Variants in ZDHHC11B observed in about 807,000 individuals in gnomAD.
The protein encoded by ZDHHC11B is probable palmitoyltransferase ZDHHC11B.
Under a neutral mutation model 42.3 loss-of-function variants are expected in ZDHHC11B, and 17 were observed. That is an observed-to-expected ratio of 0.40 (90% confidence interval 0.27 to 0.60). ZDHHC11B has a LOEUF of 0.60. ZDHHC11B is among the 20% of genes least tolerant of loss of function. The pLI is 0.41. For missense variants in ZDHHC11B, 262 were observed against 463.2 expected (o/e 0.57, Z 3.99); for synonymous variants, 123 against 193.5 (o/e 0.64, Z 3.02).
intron 1 of ZDHHC11B, among the ~76,000 whole-genome samples, chr5:772,310 G>A (rs570366549): frequency 1.4e-5 from 2 of 148,012 alleles, no homozygotes; most frequent in East Asian, 2.0e-4. Flanking sequence ...ACAGCAAGCA[G>A]CATGAGATGG....
At chr5:776,038 G>A (rs573860260) in intron 1 of ZDHHC11B, among the ~76,000 whole-genome samples, 1 of 149,596 alleles carries the variant, frequency 6.7e-6, no homozygotes, top group Non-Finnish European at 1.5e-5. Context: ...GGCTCAGCTG[G>A]GTGTACTGCC....
At chr5:737,007 A>G (rs1276743862) in intron 10 of ZDHHC11B, among the ~76,000 whole-genome samples, 6 of 146,848 alleles carry the variant, frequency 4.1e-5, no homozygotes, top group Non-Finnish European at 6.0e-5. Flanking sequence ...AAACAAAAAA[A>G]CCACAAAAGA....
intron 4 of ZDHHC11B, among the ~76,000 whole-genome samples, chr5:758,000 A>G (rs1438792917): frequency 1.3e-5 from 2 of 151,772 alleles, no homozygotes; most frequent in African/African-American, 4.8e-5. Flanking sequence ...AGGGGCTGTA[A>G]AGGGTGTGGG....
At chr5:777,236 C>G (rs1485037920) in intron 1 of ZDHHC11B, among the ~76,000 whole-genome samples, 1 of 151,890 alleles carries the variant, frequency 6.6e-6, no homozygotes, top group Non-Finnish European at 1.5e-5. Context: ...GTGAGTGTTA[C>G]AGCTCTTCAA....
At chr5:747,879 T>C (rs1337695464) in intron 8 of ZDHHC11B, 3 of 227,670 alleles carry the variant, frequency 1.3e-5, no homozygotes, top group Non-Finnish European at 2.5e-5. Context: ...GGCTGGGGAG[T>C]TTACCCTCCG....
rs190278742 is a variant in ZDHHC11B, at chr5:730,665, T to C, written c.1024-197A>G. Among the ~76,000 whole-genome samples the C allele has an allele frequency of 3.9e-3, 588 of 151,774 alleles. 12 individuals carry two copies. Among genetic ancestry groups the C allele is most frequent in the Non-Finnish European group, 6.6e-3 (450 of 67,928 alleles). On this transcript the variant is annotated intron_variant, in intron 11 of 13. Transcript: ENST00000508859. ...AATCCTTGTATTATGGGCTGAACTA[T>C]ATCCTCCTCCAAATTCATAGGTTGA... is the stretch of plus-strand genomic sequence containing the variant.
intron 10 of ZDHHC11B, 50 bp from the exon 11 acceptor site, chr5:733,889 G>GA: frequency 6.8e-7 from 1 of 1,464,564 alleles, no homozygotes; most frequent in Non-Finnish European, 9.4e-7. Flanking sequence ...TTGTGGGGGG[G>GA]CTCAGGGTGG....
At chr5:751,830 T>C (rs4045365) in intron 6 of ZDHHC11B, among the ~76,000 whole-genome samples, 85,724 of 115,792 alleles carry the variant, frequency 0.74, 37,273 homozygotes, top group African/African-American at 0.95. Context: ...ATTCAGGCAG[T>C]GCTTCTTGCA....
At chr5:776,490 A>G (rs949229644) in intron 1 of ZDHHC11B, among the ~76,000 whole-genome samples, 4 of 151,922 alleles carry the variant, frequency 2.6e-5, no homozygotes, top group Admixed American at 2.0e-4. Flanking sequence ...GGCTGAGGGG[A>G]AAGTCTCCAC....
chr5:746,267 T>C (rs1285885988), intron 8 of ZDHHC11B, among the ~76,000 whole-genome samples: 1 of 146,188 alleles, frequency 6.8e-6, no homozygotes, highest in African/African-American at 2.5e-5. Flanking sequence ...CTATTTGCAG[T>C]GAGGAGCAGA....
At position 750,841 on chromosome 5, in the gene ZDHHC11B, C is replaced by T. The variant is rs1261435646; in HGVS notation, c.628+292G>A. On this transcript the variant is annotated intron_variant, in intron 7 of 13. Transcript: ENST00000508859. ...GTGACAGGTGCTACAGGGCTGACTG[C>T]GGAGGGCAGGGGCAGAGGTGGACCC... 9.3e-5 allele frequency among the ~76,000 whole-genome samples: 12 copies of T among 128,614 alleles called. 1 individual carries two copies. Among genetic ancestry groups the T allele is most frequent in the African/African-American group, 2.5e-4 (10 of 39,464 alleles). 84.4% of individuals were successfully genotyped at this position (128,614 alleles called of 152,430 possible). A position where few individuals can be genotyped will look rare whatever the true frequency, so the allele number is the denominator to read the frequency against.
At chr5:772,381 C>T (rs1300151841) in intron 1 of ZDHHC11B, among the ~76,000 whole-genome samples, 3 of 147,678 alleles carry the variant, frequency 2.0e-5, no homozygotes, top group Middle Eastern at 3.2e-3. Flanking sequence ...GGGGTCAGAC[C>T]ATCGCCGGAT....
At chr5:753,805 G>A (rs1339161317) in intron 6 of ZDHHC11B, among the ~76,000 whole-genome samples, 1 of 139,930 alleles carries the variant, frequency 7.1e-6, no homozygotes, top group Non-Finnish European at 1.6e-5. Context: ...ATGGCAGGGA[G>A]GCAGGGCAGG....
In ZDHHC11B at chr5:763,678, G is replaced by T. The variant is rs540903481; in HGVS notation, c.222+3020C>A. On this transcript the variant is annotated intron_variant, in intron 4 of 13. Coordinates refer to ENST00000508859, the MANE Select transcript of ZDHHC11B (RefSeq NM_001351303.2). ...GGCTCCTGATGTGAGCCACGCATCT[G>T]TAGAGACTTGTTTCGAAAATTGGGG... Among the ~76,000 whole-genome samples, 30 of 151,746 alleles carry T rather than the reference G, an allele frequency of 2.0e-4. 2 individuals are homozygous for T. The highest frequency in any genetic ancestry group is 1.9e-4 in the African/African-American group (8 of 41,278).
chr5:754,459 C>T (rs1219275569), intron 6 of ZDHHC11B, among the ~76,000 whole-genome samples: 6 of 130,420 alleles, frequency 4.6e-5, no homozygotes, highest in Admixed American at 1.7e-4. Flanking sequence ...AAAGACCTCT[C>T]GCCTGTGAGC....
chr5:754,103 C>CATCTCATCT (rs1746173201), intron 6 of ZDHHC11B, among the ~76,000 whole-genome samples: 1 of 131,008 alleles, frequency 7.6e-6, no homozygotes, highest in Admixed American at 8.7e-5. Context: ...AGGGGAAACA[C>CATCTCATCT]GTCTCATCTA....
chr5:744,956 T>G (rs1463885752), intron 9 of ZDHHC11B, among the ~76,000 whole-genome samples: 2 of 147,494 alleles, frequency 1.4e-5, no homozygotes, highest in African/African-American at 2.5e-5. Flanking sequence ...CTCAGTTCCT[T>G]TCCTATCTTT....
At position 761,047 on chromosome 5, in the gene ZDHHC11B, C is replaced by T. The variant is rs374156375; in HGVS notation, c.223-4903G>A. Reference sequence around the variant, plus strand: ...CAGGCGGGCGCTGTGCTGACCTAAACACACCAAGAGACTCCGTCGCAACAT... The same window carrying T: ...CAGGCGGGCGCTGTGCTGACCTAAATACACCAAGAGACTCCGTCGCAACAT... On this transcript the variant is annotated intron_variant, in intron 4 of 13. Coordinates refer to ENST00000508859, the MANE Select transcript of ZDHHC11B (RefSeq NM_001351303.2). Among the ~76,000 whole-genome samples, 3 of 151,984 alleles carry T rather than the reference C, an allele frequency of 2.0e-5. 1 individual carries two copies. In the East Asian group the frequency reaches 5.8e-4, roughly 29 times the overall value.
chr5:729,547 C>T (rs1241175195), intron 12 of ZDHHC11B, among the ~76,000 whole-genome samples: 4 of 93,376 alleles, frequency 4.3e-5, no homozygotes, highest in South Asian at 2.8e-4. Context: ...TGACTGTGTG[C>T]GAGTGTGTGT....
Sources: allele counts gnomAD v4.1 joint callset (sites outside exome capture counted in the v4.1 genomes callset), GRCh38; gene constraint gnomAD v4.1.1; transcripts MANE v1.5; gene names NCBI Gene and HGNC (gene_info 2026-07-23, HGNC 2026-07-21).